The following SYCP1 variants were observed in gnomAD, a reference collection of about 807,000 sequenced individuals.
SYCP1 encodes synaptonemal complex protein 1.
SYCP1 carries 64 observed loss-of-function variants against 153.1 expected under a neutral mutation model. The ratio of observed to expected loss-of-function variants is 0.42; its 90% CI spans 0.34 to 0.51. The LOEUF (loss-of-function observed/expected upper bound fraction) is 0.51, where lower values mean the gene tolerates loss of function less well. Ranked by LOEUF, SYCP1 falls within the 20% of genes least tolerant of loss-of-function variation. The probability of loss-of-function intolerance (pLI) is 0.06; values close to 1 mark genes in which losing one functional copy is unlikely to be tolerated. For synonymous variants in SYCP1, 384 were observed against 341.8 expected, an observed-to-expected ratio of 1.12 and a Z score of -1.36; for missense variants, 997 against 1,049.0, an observed-to-expected ratio of 0.95 and a Z score of 0.68.
chr1:114,924,930 G>T (rs1669157503), intron 21 of SYCP1, among the ~76,000 whole-genome samples: 1 of 152,102 alleles, frequency 6.6e-6, no homozygotes. Context: ...GTTCAAGGAT[G>T]AAATAAGGTA....
At chr1:114,963,843 T>A (rs1360840346) in intron 27 of SYCP1, among the ~76,000 whole-genome samples, 1 of 152,206 alleles carries the variant, frequency 6.6e-6, no homozygotes, top group East Asian at 1.9e-4. Flanking sequence ...TATGTGTGCA[T>A]GTGTCTTTAT....
intron 27 of SYCP1, among the ~76,000 whole-genome samples, chr1:114,949,176 C>T (rs751801245): frequency 4.6e-5 from 7 of 152,068 alleles, no homozygotes; most frequent in Admixed American, 6.5e-5. Flanking sequence ...TTTGTGTTTG[C>T]GCAATGGGGC....
At chr1:114,893,604 T>C (rs980219123) in intron 15 of SYCP1, among the ~76,000 whole-genome samples, 3 of 152,236 alleles carry the variant, frequency 2.0e-5, no homozygotes, top group Non-Finnish European at 4.4e-5. Context: ...GGTTTTAGTT[T>C]TTTTCACAGT....
intron 8 of SYCP1, among the ~76,000 whole-genome samples, 165 bp from the exon 9 acceptor site, chr1:114,874,341 G>C (rs922000376): frequency 2.6e-5 from 4 of 152,136 alleles, no homozygotes; most frequent in Non-Finnish European, 5.9e-5. Flanking sequence ...AACCCAAACA[G>C]CTTTTGATGC....
chr1:114,983,682 A>G (rs2101957815), intron 29 of SYCP1, among the ~76,000 whole-genome samples: 1 of 151,864 alleles, frequency 6.6e-6, no homozygotes. Context: ...TTAAGACACC[A>G]CGAAGTTTGG....
chr1:114,879,855 G>A (rs1247356735), intron 12 of SYCP1, among the ~76,000 whole-genome samples: 1 of 152,046 alleles, frequency 6.6e-6, no homozygotes, highest in African/African-American at 2.4e-5. Flanking sequence ...TCCTGGCTGT[G>A]ATGTGTCTAA....
intron 20 of SYCP1, among the ~76,000 whole-genome samples, chr1:114,916,042 C>T (rs377094734): frequency 4.6e-5 from 7 of 152,024 alleles, no homozygotes; most frequent in African/African-American, 1.7e-4. Flanking sequence ...GAGAAGTGCC[C>T]GACTGAGGGA....
intron 6 of SYCP1, among the ~76,000 whole-genome samples, chr1:114,859,010 A>T (rs1664198552): frequency 6.6e-6 from 1 of 152,150 alleles, no homozygotes. Context: ...ATTCCTATTG[A>T]TGTTTTATGT....
At chr1:114,951,787 T>C (rs1368951582) in intron 27 of SYCP1, among the ~76,000 whole-genome samples, 2 of 152,168 alleles carry the variant, frequency 1.3e-5, no homozygotes, top group Admixed American at 1.3e-4. Context: ...ATTGCCCTTT[T>C]ATAGCCACAT....
chr1:114,860,753 A>G lies in SYCP1; in HGVS notation c.542A>G (p.His181Arg). Residue 181 changes from histidine (H) to arginine (R), a missense_variant, in exon 8 of 32, where the codon CAT becomes CGT. By Grantham distance (29) the His-to-Arg change is conservative (BLOSUM62 0). This residue lies in a region of SYCP1 where 285 missense variants were observed against 366.1 expected (regional missense o/e 0.78). Transcript: ENST00000369522. ...TGTTTCAGGAATAATGCCACAAGGC[A>G]TTTATGTAATCTACTCAAAGAAACC... ...DLIKENNATRHLCNLLKETCA... is the reference protein window; with the variant it reads ...DLIKENNATRRLCNLLKETCA... The G allele has an allele frequency of 1.3e-6, 2 of 1,596,610 alleles. No homozygotes were observed. The highest frequency in any genetic ancestry group is 1.7e-6 in the Non-Finnish European group (2 of 1,174,138).
intron 23 of SYCP1, among the ~76,000 whole-genome samples, chr1:114,942,124 G>T (rs1029521092): frequency 1.3e-5 from 2 of 151,892 alleles, no homozygotes; most frequent in Non-Finnish European, 2.9e-5. Flanking sequence ...AAGAATATTG[G>T]ACACATAAAA....
At chr1:114,881,658 C>T (rs937928538) in intron 12 of SYCP1, among the ~76,000 whole-genome samples, 1 of 152,026 alleles carries the variant, frequency 6.6e-6, no homozygotes, top group Non-Finnish European at 1.5e-5. Context: ...GATGCCACCA[C>T]ACCTGGCTAA....
intron 9 of SYCP1, among the ~76,000 whole-genome samples, chr1:114,875,611 G>A (rs528796716): frequency 6.6e-6 from 1 of 152,186 alleles, no homozygotes; most frequent in South Asian, 2.1e-4. Context: ...CACATAATAG[G>A]CACTCAGTAA....
chr1:114,993,735 A>T (rs777997425), intron 30 of SYCP1, among the ~76,000 whole-genome samples: 8 of 151,550 alleles, frequency 5.3e-5, no homozygotes, highest in African/African-American at 1.9e-4. Context: ...TATAATACAC[A>T]TAAAACTTAC....
chr1:114,972,681 G>A (rs1296643189), intron 27 of SYCP1, among the ~76,000 whole-genome samples: 2 of 152,046 alleles, frequency 1.3e-5, no homozygotes, highest in African/African-American at 4.8e-5. Flanking sequence ...GGAGCATATT[G>A]TTTAAATTCC....
rs772522709 is a variant in SYCP1 at position 114,994,943 on chromosome 1, G to T, written c.2855G>T (p.Arg952Leu). The T allele has an allele frequency of 3.7e-6, 6 of 1,609,292 alleles. No homozygotes were observed. The highest frequency in any genetic ancestry group is 5.1e-6 in the Non-Finnish European group (6 of 1,177,282). Residue 952 changes from arginine (R) to leucine (L), a missense_variant, in exon 32 of 32, where the codon CGG becomes CTG. Physicochemically the swap from Arg to Leu is moderately radical, Grantham distance 102. Transcript: ENST00000369522. The stretch of plus-strand genomic sequence containing the variant: ...AAGTTTGGAGCTATAAGAAAAATGC[G>T]GGAGGACCGTTGGGCTGTAATTGCT... ...TLKFGAIRKM[R>L]EDRWAVIAKM...
At chr1:114,876,664 T>C in intron 10 of SYCP1, 73 bp from the exon 11 acceptor site, 2 of 811,300 alleles carry the variant, frequency 2.5e-6, no homozygotes, top group Admixed American at 4.1e-5. Context: ...AAATAAACTT[T>C]AAATTTTGTT....
chr1:114,975,192 AT>A (rs886188472), intron 27 of SYCP1, among the ~76,000 whole-genome samples: 32 of 151,694 alleles, frequency 2.1e-4, no homozygotes, highest in Non-Finnish European at 4.3e-4. Context: ...TTTTAATCCA[AT>A]TTTTGTGTTG....
intron 16 of SYCP1, among the ~76,000 whole-genome samples, chr1:114,908,932 T>C (rs1281947230): frequency 1.3e-5 from 2 of 152,194 alleles, no homozygotes; most frequent in Non-Finnish European, 2.9e-5. Flanking sequence ...GTGAAGGTTA[T>C]ATTATGTAGA....
Sources: gnomAD v4.1 joint callset for allele counts (sites outside exome capture counted in the v4.1 genomes callset) on GRCh38, gnomAD v4.1.1 for gene constraint, gnomAD v4.1.1 regional missense constraint, MANE v1.5 for transcripts, NCBI Gene and HGNC (gene_info 2026-07-23, HGNC 2026-07-21) for gene names.